UTS2: variants seen among roughly 807,000 people sequenced by gnomAD.
UTS2 encodes the protein urotensin 2.
UTS2 carries 10 observed loss-of-function variants against 12.6 expected under a neutral mutation model. The ratio of observed to expected loss-of-function variants is 0.80; its 90% CI spans 0.49 to 1.35. The LOEUF is 1.35. UTS2 is among the 40% of genes most tolerant of loss of function. The probability of loss-of-function intolerance (pLI) is 0.00; values close to 1 mark genes in which losing one functional copy is unlikely to be tolerated. For missense variants in UTS2, 142 were observed against 143.2 expected, an observed-to-expected ratio of 0.99 and a Z score of 0.04; for synonymous variants, 52 against 50.0, an observed-to-expected ratio of 1.04 and a Z score of -0.17.
chr1:7,859,261 T>A, the UTS2 span, among the ~76,000 whole-genome samples: 1 of 152,150 alleles, frequency 6.6e-6, no homozygotes, highest in African/African-American at 2.4e-5. Context: ...TTAAAATTAA[T>A]TAAAATTTTA....
intron 3 of UTS2, among the ~76,000 whole-genome samples, chr1:7,848,676 C>A (rs1321370031): frequency 2.6e-5 from 4 of 151,976 alleles, no homozygotes; most frequent in Admixed American, 2.6e-4. Flanking sequence ...CATGCCACCA[C>A]GCCTGGCTAA....
At chr1:7,867,544 T>C in the UTS2 span, among the ~76,000 whole-genome samples, 1 of 152,176 alleles carries the variant, frequency 6.6e-6, no homozygotes, top group African/African-American at 2.4e-5. Context: ...AAGAGAGGGC[T>C]TAGGGAAGCC....
At chr1:7,861,207 G>A in the UTS2 span, among the ~76,000 whole-genome samples, 31 of 152,146 alleles carry the variant, frequency 2.0e-4, no homozygotes, top group African/African-American at 4.1e-4. Flanking sequence ...GCAAGGTGAC[G>A]TTACCTGTAA....
At chr1:7,893,735 G>A in the UTS2 span, among the ~76,000 whole-genome samples, 1 of 152,124 alleles carries the variant, frequency 6.6e-6, no homozygotes, top group Admixed American at 6.6e-5. Flanking sequence ...GGAAGTGGGT[G>A]CACCTAACAC....
the UTS2 span, among the ~76,000 whole-genome samples, chr1:7,871,126 T>C: frequency 6.6e-6 from 1 of 152,262 alleles, no homozygotes; most frequent in Non-Finnish European, 1.5e-5. Flanking sequence ...AGGGATCATT[T>C]TTTTGTTTCA....
chr1:7,863,026 TTGTATTGTATTGTATTGTATTG>T, the UTS2 span, among the ~76,000 whole-genome samples: 7,792 of 51,660 alleles, frequency 0.15, 603 homozygotes, highest in Non-Finnish European at 0.19. Flanking sequence ...TTGTATTGTA[TTGTATTGTATTGTATTGTATTG>T]TATTGTATTG....
At chr1:7,850,962 T>C (rs1257746887) in intron 1 of UTS2, 40 bp from the exon 2 acceptor site, 1 of 1,593,540 alleles carries the variant, frequency 6.3e-7, no homozygotes, top group Non-Finnish European at 8.6e-7. Context: ...GGGTTCATCC[T>C]TCAGTTAGTT....
At chr1:7,849,162 TATATC>T (rs557064673) in intron 3 of UTS2, among the ~76,000 whole-genome samples, 94 of 152,196 alleles carry the variant, frequency 6.2e-4, no homozygotes, top group Non-Finnish European at 1.2e-3. Context: ...ATTCAGATCT[TATATC>T]AATCAAAATT....
At chr1:7,900,375 C>T in the UTS2 span, among the ~76,000 whole-genome samples, 2 of 151,644 alleles carry the variant, frequency 1.3e-5, no homozygotes, top group South Asian at 2.1e-4. Context: ...CTTGGCCTGG[C>T]GACAGAGCCA....
chr1:7,894,375 T>C, the UTS2 span, among the ~76,000 whole-genome samples: 1 of 152,000 alleles, frequency 6.6e-6, no homozygotes, highest in African/African-American at 2.4e-5. Flanking sequence ...GGTCGCATCA[T>C]GTTGCCCAGG....
the UTS2 span, among the ~76,000 whole-genome samples, chr1:7,892,505 T>A: frequency 2.2e-3 from 289 of 130,452 alleles, 1 homozygote; most frequent in African/African-American, 7.8e-3. Context: ...AGACGGAGTG[T>A]CACTCTGTCA....
the UTS2 span, among the ~76,000 whole-genome samples, chr1:7,860,221 G>A: frequency 9.8e-5 from 15 of 152,320 alleles, no homozygotes; most frequent in East Asian, 2.9e-3. Flanking sequence ...AGTAGGTTCA[G>A]GTGGGCGATG....
At chr1:7,865,576 C>G in the UTS2 span, among the ~76,000 whole-genome samples, 1 of 152,176 alleles carries the variant, frequency 6.6e-6, no homozygotes, top group African/African-American at 2.4e-5. Context: ...ATAAGGACAC[C>G]AATCATATTG....
upstream of UTS2, among the ~76,000 whole-genome samples, chr1:7,857,276 C>T (rs1227185823): frequency 1.3e-5 from 2 of 152,072 alleles, no homozygotes; most frequent in Admixed American, 1.3e-4. Flanking sequence ...CTCTTCCCTC[C>T]TTCCTCTCCC....
At chr1:7,875,832 C>T in the UTS2 span, among the ~76,000 whole-genome samples, 1 of 152,158 alleles carries the variant, frequency 6.6e-6, no homozygotes, top group Non-Finnish European at 1.5e-5. Flanking sequence ...GGGATGAACC[C>T]ACTTTGCCCA....
At chr1:7,856,150 T>A (rs918531078), upstream of UTS2, among the ~76,000 whole-genome samples, 1 of 152,068 alleles carries the variant, frequency 6.6e-6, no homozygotes, top group Admixed American at 6.6e-5. Context: ...TTTTATGTAT[T>A]TATCCTTTAT....
the UTS2 span, among the ~76,000 whole-genome samples, chr1:7,903,049 CTCCTGCTT>C: frequency 1.1e-5 from 1 of 93,948 alleles, no homozygotes; most frequent in African/African-American, 4.1e-5. Context: ...TCCCCTCCTT[CTCCTGCTT>C]CCCCTCCTTC....
upstream of UTS2, chr1:7,853,398 C>T (rs377396587): frequency 3.7e-5 from 59 of 1,614,076 alleles, no homozygotes; most frequent in African/African-American, 4.9e-4. Context: ...GCAGAAGTGA[C>T]GCAGAGCATA....
the UTS2 span, among the ~76,000 whole-genome samples, chr1:7,908,374 G>A: frequency 6.7e-6 from 1 of 149,816 alleles, no homozygotes. Context: ...GCTGAGGCAG[G>A]AGAATTGCCT....
Sources: allele counts gnomAD v4.1 joint callset (sites outside exome capture counted in the v4.1 genomes callset), GRCh38; gene constraint gnomAD v4.1.1; transcripts MANE v1.5; gene names NCBI Gene and HGNC (gene_info 2026-07-23, HGNC 2026-07-21).